The following KAT6B variants were observed in gnomAD, a reference collection of about 807,000 sequenced individuals.
KAT6B encodes the protein lysine acetyltransferase 6B.
Under a neutral mutation model 187.5 loss-of-function variants are expected in KAT6B, and 10 were observed. The ratio of observed to expected loss-of-function variants is 0.05; its 90% confidence interval spans 0.03 to 0.09. KAT6B has a LOEUF of 0.09. KAT6B is among the 10% of genes least tolerant of loss of function. The probability of loss-of-function intolerance (pLI) is 1.00; values close to 1 mark genes in which losing one functional copy is unlikely to be tolerated. For missense variants in KAT6B, 1,952 were observed against 2,558.9 expected (o/e 0.76, Z 5.12); for synonymous variants, 861 against 926.8 (o/e 0.93, Z 1.29).
intron 3 of KAT6B, among the ~76,000 whole-genome samples, chr10:74,948,094 C>T (rs1329211682): frequency 6.6e-6 from 1 of 152,168 alleles, no homozygotes; most frequent in Non-Finnish European, 1.5e-5. Context: ...TCTTTTCCTA[C>T]TGCTTATGAA....
At chr10:74,956,195 C>T (rs976824775) in intron 3 of KAT6B, among the ~76,000 whole-genome samples, 1 of 152,152 alleles carries the variant, frequency 6.6e-6, no homozygotes, top group Non-Finnish European at 1.5e-5. Context: ...AAAGTTGTTA[C>T]AGAGAATATC....
chr10:74,969,926 T>C, intron 5 of KAT6B, 94 bp from the exon 6 acceptor site: 1 of 1,040,432 alleles, frequency 9.6e-7, no homozygotes, highest in Non-Finnish European at 1.5e-6. Context: ...GCACTTTCCT[T>C]ATATTGTATT....
chr10:74,981,941 A>G lies in KAT6B; in HGVS notation c.2373+13A>G, dbSNP rs2133798487. 1 of 1,612,860 alleles carries G rather than the reference A, an allele frequency of 6.2e-7. No individual in the cohort carries two copies. The highest frequency in any genetic ancestry group is 2.2e-5 in the East Asian group (1 of 44,816). Reference sequence around the variant, plus strand: ...TTCAGTATTTGAGGTAAGCGCGTGTAAATAAAAAAATTCAGCTTTTTGAAA... The same window carrying G: ...TTCAGTATTTGAGGTAAGCGCGTGTGAATAAAAAAATTCAGCTTTTTGAAA... On this transcript the variant is annotated intron_variant, in intron 11 of 17. Coordinates refer to ENST00000287239, the MANE Select transcript of KAT6B (RefSeq NM_012330.4).
intron 3 of KAT6B, among the ~76,000 whole-genome samples, chr10:74,851,752 TAGAG>T (rs1335987906): frequency 6.6e-6 from 1 of 152,224 alleles, no homozygotes; most frequent in Non-Finnish European, 1.5e-5. Flanking sequence ...CTGCCCCTTT[TAGAG>T]AGATACGTTG....
At chr10:75,006,969 G>A (rs1321998905) in intron 13 of KAT6B, among the ~76,000 whole-genome samples, 1 of 151,616 alleles carries the variant, frequency 6.6e-6, no homozygotes, top group Non-Finnish European at 1.5e-5. Flanking sequence ...TTGGGAGGCT[G>A]AGGCAGGAGC....
chr10:74,886,120 C>T (rs61125698), intron 3 of KAT6B, among the ~76,000 whole-genome samples: 1 of 152,164 alleles, frequency 6.6e-6, no homozygotes, highest in Non-Finnish European at 1.5e-5. Flanking sequence ...TCAGTTTGTG[C>T]AAGCACGATG....
intron 3 of KAT6B, 132 bp from the exon 4 acceptor site, chr10:74,959,837 AC>A (rs1840967292): frequency 1.0e-5 from 7 of 682,436 alleles, no homozygotes; most frequent in Non-Finnish European, 1.6e-5. Context: ...TTATTTAAAT[AC>A]GTTATTTAGC....
chr10:74,838,302 G>C (rs1466712761), intron 1 of KAT6B, among the ~76,000 whole-genome samples: 2 of 152,114 alleles, frequency 1.3e-5, no homozygotes, highest in Non-Finnish European at 2.9e-5. Context: ...ACTTTTGACT[G>C]TCTTTTTTTC....
chr10:74,944,724 G>A (rs1451716820), intron 3 of KAT6B, among the ~76,000 whole-genome samples: 4 of 151,160 alleles, frequency 2.6e-5, no homozygotes, highest in Admixed American at 2.0e-4. Flanking sequence ...CAGGAGAATG[G>A]CGTGAGCCCA....
At chr10:74,950,749 G>A (rs1840259833) in intron 3 of KAT6B, among the ~76,000 whole-genome samples, 1 of 152,166 alleles carries the variant, frequency 6.6e-6, no homozygotes. Flanking sequence ...AGTGCCATCA[G>A]TTGTGAAGTT....
In KAT6B at chr10:74,960,044, A is replaced by G; in HGVS notation, c.696A>G (p.Glu232=). The part of the protein sequence containing the change: ...TKESNREKKP[E]ELLSCADCGS... Reference sequence around the variant, plus strand: ...AATCAAATCGTGAAAAGAAACCAGAAGAACTCCTCTCTTGTGCAGATTGTG... The same window carrying G: ...AATCAAATCGTGAAAAGAAACCAGAGGAACTCCTCTCTTGTGCAGATTGTG... The change falls in exon 4 of 18, where the codon GAA becomes GAG. Residue 232 remains glutamate, a synonymous_variant. Transcript: ENST00000287239. The G allele has an allele frequency of 1.2e-6, 2 of 1,613,082 alleles. No individual in the cohort carries two copies. Among genetic ancestry groups the G allele is most frequent in the Non-Finnish European group, 1.7e-6 (2 of 1,179,038 alleles).
intron 17 of KAT6B, chr10:75,025,543 A>T: frequency 2.9e-6 from 1 of 345,572 alleles, no homozygotes; most frequent in Non-Finnish European, 5.4e-6. Context: ...CAAGAAACAC[A>T]TTACATTTCT....
intron 3 of KAT6B, among the ~76,000 whole-genome samples, chr10:74,872,151 C>T (rs1564533813): frequency 6.6e-6 from 1 of 152,200 alleles, no homozygotes; most frequent in Non-Finnish European, 1.5e-5. Context: ...TAGTTCCCTT[C>T]TCACACTTGC....
chr10:74,979,316 G>A lies in KAT6B; in HGVS notation c.2208G>A (p.Ser736=), dbSNP rs761853333. Residue 736 remains serine (S), a synonymous_variant, in exon 10 of 18, where the codon TCG becomes TCA. Coordinates refer to ENST00000287239, the MANE Select transcript of KAT6B (RefSeq NM_012330.4). ...ATGAAATCCAAACCTGGTACTCCTC[G>A]CCTTACCCACAGGAATATGCAAGGT... ...GKYEIQTWYS[S]PYPQEYARLP... is the part of the protein sequence containing the mutation. The A allele has an allele frequency of 6.8e-6, 11 of 1,612,158 alleles. No homozygotes were observed. Among genetic ancestry groups the A allele is most frequent in the Admixed American group, 1.7e-5 (1 of 59,966 alleles).
At chr10:74,920,341 T>C (rs970350996) in intron 3 of KAT6B, among the ~76,000 whole-genome samples, 2 of 152,192 alleles carry the variant, frequency 1.3e-5, no homozygotes, top group Admixed American at 6.5e-5. Flanking sequence ...AGGCTCCAGA[T>C]GTCACCAGAA....
At chr10:74,977,004 A>G in intron 8 of KAT6B, 1 of 326,106 alleles carries the variant, frequency 3.1e-6, no homozygotes. Flanking sequence ...GAATGCTATA[A>G]CTAGACATCG....
Position 75,028,419 on chromosome 10 carries a change from A to G in KAT6B, c.3665-70A>G, listed in dbSNP as rs866490447. On this transcript the variant is annotated intron_variant, in intron 17 of 17. Transcript: ENST00000287239. The stretch of plus-strand genomic sequence containing the variant: ...TTTGCTAATTAATTTAGAGGAATGA[A>G]TTCAAGTTGCCCATGGTTATGCTTT... 3.0e-5 allele frequency: 49 copies of G among 1,610,200 alleles called. 1 individual carries two copies. The Middle Eastern group carries it at 5.0e-4, about 16-fold the overall frequency.
chr10:74,935,073 A>AACAATTTCTGTGCTGC (rs1849146736), intron 3 of KAT6B, among the ~76,000 whole-genome samples: 2 of 152,240 alleles, frequency 1.3e-5, no homozygotes, highest in South Asian at 2.1e-4. Flanking sequence ...CCCATTATTG[A>AACAATTTCTGTGCTGC]ACAATTTCTG....
chr10:74,855,300 G>A (rs2132223328), intron 3 of KAT6B, among the ~76,000 whole-genome samples: 1 of 152,310 alleles, frequency 6.6e-6, no homozygotes, highest in South Asian at 2.1e-4. Flanking sequence ...GAGCTTGACT[G>A]TTTCTGTTAG....
Sources: allele counts gnomAD v4.1 joint callset (sites outside exome capture counted in the v4.1 genomes callset), GRCh38; gene constraint gnomAD v4.1.1; transcripts MANE v1.5; gene names NCBI Gene and HGNC (gene_info 2026-07-23, HGNC 2026-07-21).